Variants in LRMDA observed in about 807,000 individuals in gnomAD.
The protein encoded by LRMDA is leucine rich melanocyte differentiation associated.
LRMDA carries 18 observed loss-of-function variants against 29.8 expected under a neutral mutation model. The observed-to-expected ratio is 0.60, with a 90% CI of 0.42 to 0.90. The LOEUF (loss-of-function observed/expected upper bound fraction) is 0.90, where lower values mean the gene tolerates loss of function less well. LRMDA is among the 40% of genes least tolerant of loss of function. The pLI, the probability that LRMDA is intolerant of heterozygous loss-of-function variation, is 0.00. For synonymous variants in LRMDA, 125 were observed against 109.4 expected (o/e 1.14, Z -0.89); for missense variants, 273 against 273.9 (o/e 1.00, Z 0.02).
chr10:75,661,235 A>C (rs1381283429), intron 2 of LRMDA, among the ~76,000 whole-genome samples: 1 of 152,124 alleles, frequency 6.6e-6, no homozygotes, highest in Non-Finnish European at 1.5e-5. Context: ...GAAACCCAGA[A>C]AGGCCTCTGC....
chr10:75,996,249 C>G (rs1284286131), intron 2 of LRMDA, among the ~76,000 whole-genome samples: 1 of 152,054 alleles, frequency 6.6e-6, no homozygotes, highest in Non-Finnish European at 1.5e-5. Context: ...CTTCGGCATC[C>G]CTGGGACTCA....
intron 5 of LRMDA, among the ~76,000 whole-genome samples, chr10:76,141,358 G>A (rs560667936): frequency 5.1e-4 from 77 of 152,224 alleles, no homozygotes; most frequent in African/African-American, 1.7e-3. Context: ...TCAAAGCACA[G>A]TTTTAATTAA....
At chr10:75,460,599 A>T (rs1339119964) in intron 2 of LRMDA, among the ~76,000 whole-genome samples, 1 of 152,094 alleles carries the variant, frequency 6.6e-6, no homozygotes, top group Non-Finnish European at 1.5e-5. Flanking sequence ...TTATAAGATA[A>T]TATTCCTTTT....
chr10:75,985,005 A>G (rs571066122), intron 2 of LRMDA, among the ~76,000 whole-genome samples: 2 of 152,204 alleles, frequency 1.3e-5, no homozygotes, highest in African/African-American at 2.4e-5. Context: ...TAGGCTTTAT[A>G]TGAACTTATC....
chr10:75,959,486 C>A (rs1846723393), intron 2 of LRMDA, among the ~76,000 whole-genome samples: 1 of 149,758 alleles, frequency 6.7e-6, no homozygotes, highest in Non-Finnish European at 1.5e-5. Flanking sequence ...GGAAGCAAAG[C>A]ACACATATGC....
At chr10:75,452,593 T>TTTTA (rs10670907) in intron 2 of LRMDA, among the ~76,000 whole-genome samples, 1 of 150,622 alleles carries the variant, frequency 6.6e-6, no homozygotes, top group African/African-American at 2.4e-5. Context: ...TTTTTTTTTT[T>TTTTA]AATGTATCCA....
chr10:76,205,455 G>C (rs369179187), intron 5 of LRMDA, among the ~76,000 whole-genome samples: 1 of 152,110 alleles, frequency 6.6e-6, no homozygotes, highest in African/African-American at 2.4e-5. Flanking sequence ...ATGTTTTTCT[G>C]TCTGAAACTG....
chr10:76,152,933 T>C (rs1850472327), intron 5 of LRMDA, among the ~76,000 whole-genome samples: 1 of 151,934 alleles, frequency 6.6e-6, no homozygotes, highest in African/African-American at 2.4e-5. Flanking sequence ...CTCCACCTCC[T>C]GGATTCAAGC....
chr10:76,066,570 C>T (rs1430498585), intron 5 of LRMDA, among the ~76,000 whole-genome samples: 1 of 152,144 alleles, frequency 6.6e-6, no homozygotes, highest in African/African-American at 2.4e-5. Flanking sequence ...GTGCTCTTCC[C>T]ACTGTATCCC....
intron 6 of LRMDA, among the ~76,000 whole-genome samples, chr10:76,550,084 G>A (rs1235535968): frequency 6.6e-6 from 1 of 151,962 alleles, no homozygotes; most frequent in East Asian, 1.9e-4. Flanking sequence ...TAACCTTACT[G>A]TAAAAATTAC....
chr10:76,458,125 CAAAA>C (rs66952051), intron 6 of LRMDA, among the ~76,000 whole-genome samples: 1 of 140,118 alleles, frequency 7.1e-6, no homozygotes, highest in Non-Finnish European at 1.5e-5. Flanking sequence ...CTAGTGCTTT[CAAAA>C]AAAAAAAAAA....
intron 5 of LRMDA, among the ~76,000 whole-genome samples, chr10:76,077,411 T>C (rs1348061004): frequency 6.6e-6 from 1 of 152,238 alleles, no homozygotes; most frequent in Non-Finnish European, 1.5e-5. Flanking sequence ...CTTTCTGCTA[T>C]CTCTTTCCTG....
intron 2 of LRMDA, among the ~76,000 whole-genome samples, chr10:75,518,370 C>G (rs1012066087): frequency 6.6e-6 from 1 of 152,092 alleles, no homozygotes; most frequent in African/African-American, 2.4e-5. Context: ...ATTATTGCCT[C>G]AATCAGAGCC....
At chr10:75,987,758 G>A (rs1446866491) in intron 2 of LRMDA, among the ~76,000 whole-genome samples, 1 of 152,206 alleles carries the variant, frequency 6.6e-6, no homozygotes, top group Non-Finnish European at 1.5e-5. Flanking sequence ...ATTTGGGGCT[G>A]TCCATTCTTT....
At chr10:76,325,427 A>G (rs1387032680) in intron 6 of LRMDA, among the ~76,000 whole-genome samples, 2 of 152,194 alleles carry the variant, frequency 1.3e-5, no homozygotes, top group Non-Finnish European at 2.9e-5. Context: ...ACTTTAGTTA[A>G]TTTTGTGAAA....
At chr10:76,164,499 G>A (rs1850699922) in intron 5 of LRMDA, among the ~76,000 whole-genome samples, 1 of 152,060 alleles carries the variant, frequency 6.6e-6, no homozygotes, top group Non-Finnish European at 1.5e-5. Flanking sequence ...TATGAGCTAC[G>A]AATGCTTTTT....
In LRMDA at chr10:76,339,146, A is replaced by G. The variant is rs527973329; in HGVS notation, c.601+14661A>G. Among the ~76,000 whole-genome samples, 35 of 152,266 alleles carry G rather than the reference A, an allele frequency of 2.3e-4. 1 individual carries two copies. The South Asian group carries it at 3.1e-3, about 14-fold the overall frequency. ...AAAAACCTGTATGAAACAGTCACAA[A>G]TTGGCTCATATCCACAAACTGGCTC... On this transcript the variant is annotated intron_variant, in intron 6 of 6. Transcript: ENST00000611255.
At chr10:76,041,270 A>G (rs1848334115) in intron 3 of LRMDA, among the ~76,000 whole-genome samples, 1 of 152,248 alleles carries the variant, frequency 6.6e-6, no homozygotes, top group Admixed American at 6.5e-5. Context: ...GTGCTGTCAC[A>G]CAGAAACATG....
intron 6 of LRMDA, among the ~76,000 whole-genome samples, chr10:76,472,046 A>G (rs2132317791): frequency 6.6e-6 from 1 of 151,902 alleles, no homozygotes. Flanking sequence ...AGGAAATAGA[A>G]GACTTGGACA....
Sources: allele counts gnomAD v4.1 joint callset (sites outside exome capture counted in the v4.1 genomes callset), GRCh38; gene constraint gnomAD v4.1.1; transcripts MANE v1.5; gene names NCBI Gene and HGNC (gene_info 2026-07-23, HGNC 2026-07-21).